ZCCHC7: variants seen among roughly 807,000 people sequenced by gnomAD.
ZCCHC7 encodes zinc finger CCHC-type containing 7.
Under a neutral mutation model 52.0 loss-of-function variants are expected in ZCCHC7, and 35 were observed. The observed-to-expected ratio is 0.67, with a 90% CI of 0.51 to 0.89. The LOEUF is 0.89. ZCCHC7 is among the 40% of genes least tolerant of loss of function. ZCCHC7 has a pLI of 0.00. For missense variants in ZCCHC7, 574 were observed against 649.1 expected (o/e 0.88, Z 1.26); for synonymous variants, 217 against 221.5 (o/e 0.98, Z 0.18).
chr9:37,334,950 A>G (rs1235175978), intron 6 of ZCCHC7, among the ~76,000 whole-genome samples: 1 of 152,126 alleles, frequency 6.6e-6, no homozygotes, highest in Non-Finnish European at 1.5e-5. Flanking sequence ...TGTAAAAGGA[A>G]TGCACATGTG....
At chr9:37,164,766 C>T (rs1228419023) in intron 2 of ZCCHC7, among the ~76,000 whole-genome samples, 1 of 152,110 alleles carries the variant, frequency 6.6e-6, no homozygotes, top group Non-Finnish European at 1.5e-5. Context: ...TTTATTCACT[C>T]TGTGGTCCAG....
chr9:37,148,481 T>G (rs1348653363), intron 2 of ZCCHC7, among the ~76,000 whole-genome samples: 1 of 152,170 alleles, frequency 6.6e-6, no homozygotes, highest in Non-Finnish European at 1.5e-5. Flanking sequence ...TTTCTTAGAC[T>G]GAGTTCCTCA....
chr9:37,347,415 T>C (rs925504041), intron 6 of ZCCHC7, among the ~76,000 whole-genome samples: 7 of 152,212 alleles, frequency 4.6e-5, no homozygotes, highest in African/African-American at 1.7e-4. Context: ...GCAAAGGTAA[T>C]TGAGGTTCTT....
chr9:37,321,688 C>G (rs141841526), intron 5 of ZCCHC7, among the ~76,000 whole-genome samples: 318 of 152,238 alleles, frequency 2.1e-3, no homozygotes, highest in African/African-American at 7.5e-3. Context: ...CCTGCTTGAG[C>G]CCAGGAGATC....
chr9:37,237,331 G>A (rs1030263449), intron 2 of ZCCHC7, among the ~76,000 whole-genome samples: 2 of 152,106 alleles, frequency 1.3e-5, no homozygotes, highest in Admixed American at 6.5e-5. Context: ...ATTCACAAGC[G>A]CTAATTGAAA....
At chr9:37,193,518 G>T (rs770054269) in intron 2 of ZCCHC7, among the ~76,000 whole-genome samples, 13 of 151,836 alleles carry the variant, frequency 8.6e-5, no homozygotes, top group Non-Finnish European at 1.8e-4. Context: ...TGTTAGTTTA[G>T]ATGATCACAC....
chr9:37,309,458 C>A (rs918881022), intron 5 of ZCCHC7, among the ~76,000 whole-genome samples: 3 of 152,174 alleles, frequency 2.0e-5, no homozygotes, highest in Non-Finnish European at 4.4e-5. Flanking sequence ...GCCATGGCTG[C>A]TTTTAAGTCA....
chr9:37,240,063 A>G (rs1219488767), intron 2 of ZCCHC7, among the ~76,000 whole-genome samples: 2 of 152,068 alleles, frequency 1.3e-5, no homozygotes, highest in Non-Finnish European at 2.9e-5. Context: ...AATGATCAAC[A>G]TAAAACCTGG....
intron 2 of ZCCHC7, among the ~76,000 whole-genome samples, chr9:37,225,943 G>A (rs1056145863): frequency 9.2e-5 from 14 of 152,198 alleles, no homozygotes; most frequent in African/African-American, 2.7e-4. Context: ...TCATTGTACT[G>A]CCAGTGCAAT....
chr9:37,247,483 C>A (rs1463675778), intron 2 of ZCCHC7, among the ~76,000 whole-genome samples: 2 of 152,170 alleles, frequency 1.3e-5, no homozygotes, highest in African/African-American at 2.4e-5. Flanking sequence ...AACTTGAATA[C>A]CCCATCTGTA....
chr9:37,264,995 G>A (rs1239031861), intron 2 of ZCCHC7, among the ~76,000 whole-genome samples: 1 of 152,156 alleles, frequency 6.6e-6, no homozygotes, highest in Non-Finnish European at 1.5e-5. Context: ...TATGTGTGTG[G>A]CAGTGTAGGG....
intron 5 of ZCCHC7, among the ~76,000 whole-genome samples, chr9:37,316,601 A>G (rs890000435): frequency 1.3e-5 from 2 of 152,282 alleles, no homozygotes; most frequent in African/African-American, 4.8e-5. Flanking sequence ...CTGGGATTAC[A>G]GGCATGAGCC....
intron 2 of ZCCHC7, among the ~76,000 whole-genome samples, chr9:37,143,775 A>G (rs1028951384): frequency 1.3e-5 from 2 of 151,864 alleles, no homozygotes; most frequent in African/African-American, 4.8e-5. Flanking sequence ...ACAAATTAAG[A>G]AAAGAGTGCC....
chr9:37,287,348 GT>G (rs1487712420), intron 2 of ZCCHC7, among the ~76,000 whole-genome samples: 1 of 151,986 alleles, frequency 6.6e-6, no homozygotes, highest in Non-Finnish European at 1.5e-5. Context: ...CTAGGATGAG[GT>G]TTTTTAAAAG....
At chr9:37,341,743 A>G (rs1588696649) in intron 6 of ZCCHC7, among the ~76,000 whole-genome samples, 3 of 152,128 alleles carry the variant, frequency 2.0e-5, no homozygotes, top group Admixed American at 1.3e-4. Flanking sequence ...CATTTGAGCC[A>G]AGGCTTGAAG....
At chr9:37,330,289 C>G (rs1830404479) in intron 6 of ZCCHC7, among the ~76,000 whole-genome samples, 1 of 151,592 alleles carries the variant, frequency 6.6e-6, no homozygotes, top group Non-Finnish European at 1.5e-5. Context: ...CTATTTTCAA[C>G]AATTTCAAGA....
intron 2 of ZCCHC7, among the ~76,000 whole-genome samples, chr9:37,229,642 C>T (rs994259510): frequency 6.6e-6 from 1 of 152,008 alleles, no homozygotes; most frequent in African/African-American, 2.4e-5. Context: ...GCTTTTAGAA[C>T]CAGAAGTTGC....
At chr9:37,320,222 C>T (rs534300052) in intron 5 of ZCCHC7, among the ~76,000 whole-genome samples, 190 of 152,188 alleles carry the variant, frequency 1.2e-3, no homozygotes, top group African/African-American at 4.4e-3. Flanking sequence ...GGATTACAGG[C>T]GCCTACCACC....
chr9:37,282,388 G>T (rs149046150), intron 2 of ZCCHC7, among the ~76,000 whole-genome samples: 3 of 152,156 alleles, frequency 2.0e-5, no homozygotes, highest in African/African-American at 7.2e-5. Context: ...CGGATCACTA[G>T]GTCAAGGAGA....
Sources: gnomAD v4.1 joint callset for allele counts (sites outside exome capture counted in the v4.1 genomes callset) on GRCh38, gnomAD v4.1.1 for gene constraint, MANE v1.5 for transcripts, NCBI Gene and HGNC (gene_info 2026-07-23, HGNC 2026-07-21) for gene names.